TRIO: variants seen among roughly 807,000 people sequenced by gnomAD.
TRIO encodes trio Rho guanine nucleotide exchange factor, also known as triple functional domain protein.
TRIO carries 58 observed loss-of-function variants against 351.9 expected under a neutral mutation model. The observed-to-expected ratio is 0.16, with a 90% CI of 0.13 to 0.21. TRIO has a LOEUF of 0.21. Among genes scored for constraint, TRIO ranks in the 10% least tolerant of loss-of-function variants. The probability of loss-of-function intolerance (pLI) is 1.00; values close to 1 mark genes in which losing one functional copy is unlikely to be tolerated. For missense variants in TRIO, 3,201 were observed against 4,027.8 expected, an observed-to-expected ratio of 0.79 and a Z score of 5.56; for synonymous variants, 1,758 against 1,595.7, an observed-to-expected ratio of 1.10 and a Z score of -2.42.
intron 1 of TRIO, among the ~76,000 whole-genome samples, chr5:14,181,653 T>C (rs1789775717): frequency 6.6e-6 from 1 of 152,162 alleles, no homozygotes; most frequent in South Asian, 2.1e-4. Flanking sequence ...CAGAAATCCT[T>C]TGAGGGCCAT....
chr5:14,265,880 A>G (rs1795641130), intron 1 of TRIO, among the ~76,000 whole-genome samples: 2 of 152,218 alleles, frequency 1.3e-5, no homozygotes, highest in Non-Finnish European at 2.9e-5. Context: ...TCTTATGAAT[A>G]TAAATCATAC....
At chr5:14,329,968 G>C (rs142811305) in intron 9 of TRIO, among the ~76,000 whole-genome samples, 1 of 152,134 alleles carries the variant, frequency 6.6e-6, no homozygotes, top group South Asian at 2.1e-4. Context: ...CCTTCTGTAC[G>C]GAGAGCCGAC....
intron 9 of TRIO, among the ~76,000 whole-genome samples, chr5:14,328,339 T>G (rs979179256): frequency 6.6e-6 from 1 of 152,242 alleles, no homozygotes; most frequent in African/African-American, 2.4e-5. Context: ...AACAATGCAC[T>G]GAATACGCTT....
In TRIO at chr5:14,480,487, G is replaced by A. The variant is rs148076840; in HGVS notation, c.6336+476G>A. Among the ~76,000 whole-genome samples, 960 of 152,210 alleles carry A rather than the reference G, an allele frequency of 6.3e-3. 10 individuals are homozygous for A. The highest frequency in any genetic ancestry group is 0.022 in the African/African-American group (934 of 41,516). ...ATTTTCTAATCTTCTTGGAACCTTG[G>A]ATAAAAGTAAATTTGGAATCCTTTT... On this transcript the variant is annotated intron_variant, in intron 43 of 56. Coordinates refer to ENST00000344204, the MANE Select transcript of TRIO (RefSeq NM_007118.4).
At chr5:14,388,570 G>A in intron 23 of TRIO, 43 bp from the exon 24 acceptor site, 1 of 1,567,068 alleles carries the variant, frequency 6.4e-7, no homozygotes, top group Non-Finnish European at 8.7e-7. Context: ...AGTGAAGTAA[G>A]CTGCACCCTG....
At chr5:14,194,503 G>A (rs1420893608) in intron 1 of TRIO, among the ~76,000 whole-genome samples, 2 of 152,178 alleles carry the variant, frequency 1.3e-5, no homozygotes, top group African/African-American at 4.8e-5. Flanking sequence ...TTAAATGTTA[G>A]GTTGCTGGAT....
chr5:14,236,381 G>A (rs1793768709), intron 1 of TRIO, among the ~76,000 whole-genome samples: 1 of 152,130 alleles, frequency 6.6e-6, no homozygotes, highest in South Asian at 2.1e-4. Flanking sequence ...CCATACTGAA[G>A]GTAATGAATA....
chr5:14,334,056 T>TC (rs1280534550), intron 10 of TRIO, among the ~76,000 whole-genome samples: 1 of 152,208 alleles, frequency 6.6e-6, no homozygotes, highest in Non-Finnish European at 1.5e-5. Context: ...GTTTTAACAA[T>TC]CCCAGCTCTG....
chr5:14,382,515 G>C (rs943308764), intron 21 of TRIO, among the ~76,000 whole-genome samples: 8 of 152,164 alleles, frequency 5.3e-5, no homozygotes, highest in Non-Finnish European at 1.0e-4. Flanking sequence ...ACCCGGCCCA[G>C]GGTGGGGGTG....
chr5:14,497,159 A>C lies in TRIO; in HGVS notation c.8019+142A>C. ...CAGCCCCGTGCCCTGCGTGTCCTGT[A>C]GGGTCTTGTTAGGGGCACTATGCTG... On this transcript the variant is annotated intron_variant, in intron 50 of 56. Coordinates refer to ENST00000344204, the MANE Select transcript of TRIO (RefSeq NM_007118.4). This position sits in a 1 kb window ranked among gnomAD's most constrained non-coding sequence, Gnocchi z 4.4. 1 of 1,281,066 alleles carries C rather than the reference A, an allele frequency of 7.8e-7. No homozygotes were observed. 79.4% of individuals were successfully genotyped at this position (1,281,066 alleles called of 1,614,324 possible).
At chr5:14,345,976 C>T (rs1742379246) in intron 11 of TRIO, among the ~76,000 whole-genome samples, 1 of 152,134 alleles carries the variant, frequency 6.6e-6, no homozygotes. Context: ...GTAAACTTAC[C>T]TGTATGTATT....
chr5:14,430,614 A>C (rs1002285892), intron 34 of TRIO, among the ~76,000 whole-genome samples: 2 of 152,162 alleles, frequency 1.3e-5, no homozygotes, highest in Admixed American at 1.3e-4. Flanking sequence ...TGGGCCTTGG[A>C]GTCTCTGTAT....
chr5:14,328,307 A>G (rs150286848), intron 9 of TRIO, among the ~76,000 whole-genome samples: 227 of 152,388 alleles, frequency 1.5e-3, no homozygotes, highest in African/African-American at 5.0e-3. Context: ...AGTTAAAACA[A>G]TGTGCTCAAT....
chr5:14,330,679 A>G (rs1429069580), intron 9 of TRIO, 99 bp from the exon 10 acceptor site: 14 of 1,380,436 alleles, frequency 1.0e-5, no homozygotes, highest in East Asian at 2.5e-5. Flanking sequence ...TGTTTCTTAC[A>G]GAGTTTTAAC....
chr5:14,473,416 A>G (rs1259725666), intron 39 of TRIO, among the ~76,000 whole-genome samples: 1 of 152,246 alleles, frequency 6.6e-6, no homozygotes, highest in Non-Finnish European at 1.5e-5. Context: ...CAAAAGATTT[A>G]ACATGCTTGA....
intron 8 of TRIO, among the ~76,000 whole-genome samples, chr5:14,307,610 G>T (rs1738491984): frequency 6.6e-6 from 1 of 152,176 alleles, no homozygotes; most frequent in South Asian, 2.1e-4. Flanking sequence ...GTTCATCTTG[G>T]CCACTTGGTC....
chr5:14,217,030 A>G (rs1792268632), intron 1 of TRIO, among the ~76,000 whole-genome samples: 1 of 152,206 alleles, frequency 6.6e-6, no homozygotes, highest in Admixed American at 6.5e-5. Context: ...GGCAGGGCCA[A>G]GTGGTCTGGT....
chr5:14,455,224 C>T (rs1358216956), intron 34 of TRIO, among the ~76,000 whole-genome samples: 2 of 152,168 alleles, frequency 1.3e-5, no homozygotes, highest in African/African-American at 2.4e-5. Context: ...CTTATCTGAC[C>T]CCACCCACAT....
At chr5:14,324,049 G>A (rs1740144053) in intron 9 of TRIO, among the ~76,000 whole-genome samples, 1 of 152,148 alleles carries the variant, frequency 6.6e-6, no homozygotes, top group African/African-American at 2.4e-5. Flanking sequence ...AGTCCAGAAA[G>A]CTCAGAATGT....
Sources: allele counts gnomAD v4.1 joint callset (sites outside exome capture counted in the v4.1 genomes callset), GRCh38; gene constraint gnomAD v4.1.1; non-coding constraint Gnocchi (gnomAD v3.1); transcripts MANE v1.5; gene names NCBI Gene and HGNC (gene_info 2026-07-23, HGNC 2026-07-21).